The following HCN1 variants were observed in gnomAD, a reference collection of about 807,000 sequenced individuals.
HCN1 encodes the protein hyperpolarization activated cyclic nucleotide gated potassium channel 1.
In HCN1, 13 loss-of-function variants were observed where a neutral mutation model predicts 78.9. That is an observed-to-expected ratio of 0.16 (90% CI 0.11 to 0.26). The LOEUF (loss-of-function observed/expected upper bound fraction) is 0.26. HCN1 is among the 10% of genes least tolerant of loss of function. HCN1 has a pLI of 1.00. For synonymous variants in HCN1, 552 were observed against 455.5 expected (o/e 1.21, Z -2.70); for missense variants, 810 against 1,154.3 (o/e 0.70, Z 4.32).
chr5:45,490,646 T>C (rs531437992), intron 2 of HCN1, among the ~76,000 whole-genome samples: 33 of 152,276 alleles, frequency 2.2e-4, no homozygotes. Context: ...ACTTTTCTTA[T>C]GATTCTTACT....
At chr5:45,387,659 A>G (rs564877767) in intron 4 of HCN1, among the ~76,000 whole-genome samples, 1 of 152,084 alleles carries the variant, frequency 6.6e-6, no homozygotes, top group African/African-American at 2.4e-5. Context: ...TTATTTTGCC[A>G]CTTCTTACCC....
Position 45,330,052 on chromosome 5 carries a change from AGAGT to A in HCN1, c.1377+23044_1377+23047del, listed in dbSNP as rs1380641360. On this transcript the variant is annotated intron_variant, in intron 5 of 7. Coordinates refer to ENST00000303230, the MANE Select transcript of HCN1 (RefSeq NM_021072.4). Reference sequence around the variant, plus strand: ...TTACGAAAAAAATGCACAATAATATAGAGTGTGTCCATGTGCCCCTTACACAATT... The same window carrying A: ...TTACGAAAAAAATGCACAATAATATAGTGTCCATGTGCCCCTTACACAATT... Among the ~76,000 whole-genome samples, 59 of 151,540 alleles carry A rather than the reference AGAGT, an allele frequency of 3.9e-4. No homozygotes were observed. The East Asian group carries it at 0.011, about 28-fold the overall frequency.
At chr5:45,564,013 G>A (rs778891419) in intron 2 of HCN1, among the ~76,000 whole-genome samples, 1 of 152,116 alleles carries the variant, frequency 6.6e-6, no homozygotes, top group Non-Finnish European at 1.5e-5. Flanking sequence ...TATGACACCT[G>A]AGCAAAACTA....
chr5:45,658,666 C>T (rs959868489), intron 1 of HCN1, among the ~76,000 whole-genome samples: 2 of 151,506 alleles, frequency 1.3e-5, no homozygotes, highest in Non-Finnish European at 2.9e-5. Flanking sequence ...CAGGGAGTTC[C>T]CTTTCCGAGT....
intron 3 of HCN1, among the ~76,000 whole-genome samples, chr5:45,412,365 G>A (rs1001300905): frequency 2.0e-5 from 3 of 152,016 alleles, no homozygotes; most frequent in African/African-American, 4.8e-5. Context: ...TAGCATTGTG[G>A]TCTCCTTTAT....
intron 2 of HCN1, among the ~76,000 whole-genome samples, chr5:45,463,588 A>G (rs567779000): frequency 2.0e-5 from 3 of 152,160 alleles, no homozygotes; most frequent in African/African-American, 7.2e-5. Context: ...TGGAAAACCT[A>G]CAGAAACATC....
chr5:45,400,420 T>C (rs1329307112), intron 3 of HCN1, among the ~76,000 whole-genome samples: 4 of 141,396 alleles, frequency 2.8e-5, no homozygotes, highest in Non-Finnish European at 4.6e-5. Flanking sequence ...TTTTTTGAGA[T>C]GGAGTTTCGC....
At chr5:45,303,925 G>A (rs2111905328) in intron 5 of HCN1, 86 bp from the exon 6 acceptor site, 1 of 1,132,178 alleles carries the variant, frequency 8.8e-7, no homozygotes, top group South Asian at 1.3e-5. Context: ...AATATATACA[G>A]CATAACATTG....
At chr5:45,593,345 C>CTGA (rs1744423427) in intron 2 of HCN1, among the ~76,000 whole-genome samples, 1 of 147,354 alleles carries the variant, frequency 6.8e-6, no homozygotes, top group South Asian at 2.1e-4. Context: ...CTCTCTCACA[C>CTGA]ACACACACAC....
intron 2 of HCN1, among the ~76,000 whole-genome samples, chr5:45,564,861 A>G (rs1351029910): frequency 6.6e-6 from 1 of 152,162 alleles, no homozygotes; most frequent in Non-Finnish European, 1.5e-5. Flanking sequence ...TGACAGCAGA[A>G]AAAAAGCATA....
chr5:45,682,272 C>T lies in HCN1; in HGVS notation c.425+13397G>A, dbSNP rs575639134. On this transcript the variant is annotated intron_variant, in intron 1 of 7. Transcript: ENST00000303230. ...ACAAGATATCATATATATATATATACATATATATATATATATACACATATA... is the reference window on the plus strand; with the variant it reads ...ACAAGATATCATATATATATATATATATATATATATATATATACACATATA... 2.0e-4 allele frequency among the ~76,000 whole-genome samples: 22 copies of T among 109,758 alleles called. 1 individual carries two copies. The highest frequency in any genetic ancestry group is 8.8e-4 in the African/African-American group (21 of 23,778). The allele number at this position is 109,758 out of a possible 152,430, so 72.0% of individuals were successfully genotyped here. A position where few individuals can be genotyped will look rare whatever the true frequency, so the allele number is the denominator to read the frequency against.
intron 2 of HCN1, among the ~76,000 whole-genome samples, chr5:45,516,725 G>C (rs1023391547): frequency 3.3e-5 from 5 of 151,828 alleles, no homozygotes; most frequent in African/African-American, 1.2e-4. Context: ...TTGTGTCTCT[G>C]AATATTTTTT....
At chr5:45,674,551 C>A (rs899841364) in intron 1 of HCN1, among the ~76,000 whole-genome samples, 6 of 151,604 alleles carry the variant, frequency 4.0e-5, no homozygotes, top group Non-Finnish European at 7.4e-5. Context: ...TAATATAATG[C>A]CATTTATTAG....
At chr5:45,504,415 C>A (rs1742253352) in intron 2 of HCN1, among the ~76,000 whole-genome samples, 2 of 152,174 alleles carry the variant, frequency 1.3e-5, no homozygotes, top group Non-Finnish European at 2.9e-5. Context: ...CATGTCCCTA[C>A]AAAGGACATG....
rs551722566 is a variant in HCN1 at position 45,567,428 on chromosome 5, G to C, written c.849+77757C>G. 2.0e-5 allele frequency among the ~76,000 whole-genome samples: 3 copies of C among 152,174 alleles called. No homozygotes were observed. In the East Asian group the frequency reaches 5.8e-4, roughly 29 times the overall value. On this transcript the variant is annotated intron_variant, in intron 2 of 7. Coordinates refer to ENST00000303230, the MANE Select transcript of HCN1 (RefSeq NM_021072.4). ...ATCCATAAAAAAGGAAGGAGCTGCAGGAGTACAGAGCTGAAAGTGAATAGC... is the reference window on the plus strand; with the variant it reads ...ATCCATAAAAAAGGAAGGAGCTGCACGAGTACAGAGCTGAAAGTGAATAGC...
chr5:45,371,972 T>A (rs1194835977), intron 4 of HCN1, among the ~76,000 whole-genome samples: 4 of 56,656 alleles, frequency 7.1e-5, no homozygotes, highest in African/African-American at 2.9e-4. Flanking sequence ...TATATTATAT[T>A]ATGTATATTA....
chr5:45,633,514 T>C (rs1053257259), intron 2 of HCN1, among the ~76,000 whole-genome samples: 5 of 151,996 alleles, frequency 3.3e-5, no homozygotes, highest in African/African-American at 1.2e-4. Flanking sequence ...TCTCGAAATA[T>C]TCTATTCAAT....
At chr5:45,401,656 G>C (rs1309220695) in intron 3 of HCN1, among the ~76,000 whole-genome samples, 2 of 142,780 alleles carry the variant, frequency 1.4e-5, no homozygotes, top group Non-Finnish European at 3.0e-5. Flanking sequence ...CCTAGAGAAA[G>C]GTTTTTTTTT....
At chr5:45,583,579 G>T (rs891387806) in intron 2 of HCN1, among the ~76,000 whole-genome samples, 20 of 152,096 alleles carry the variant, frequency 1.3e-4, no homozygotes, top group Admixed American at 1.0e-3. Flanking sequence ...TTTTGAACGT[G>T]CTTGCTCTTG....
Sources: gnomAD v4.1 joint callset for allele counts (sites outside exome capture counted in the v4.1 genomes callset) on GRCh38, gnomAD v4.1.1 for gene constraint, MANE v1.5 for transcripts, NCBI Gene and HGNC (gene_info 2026-07-23, HGNC 2026-07-21) for gene names.